The following GREB1 variants were observed in gnomAD, a reference collection of about 807,000 sequenced individuals.
GREB1 encodes protein GREB1.
In GREB1, 106 loss-of-function variants were observed where a neutral mutation model predicts 200.7. The observed-to-expected ratio is 0.53, with a 90% confidence interval of 0.45 to 0.62. The LOEUF is 0.62. Among genes scored for constraint, GREB1 ranks in the 20% least tolerant of loss-of-function variants. GREB1 has a pLI of 0.00. For missense variants in GREB1, 2,243 were observed against 2,556.8 expected, an observed-to-expected ratio of 0.88 and a Z score of 2.65; for synonymous variants, 1,132 against 1,092.4, an observed-to-expected ratio of 1.04 and a Z score of -0.72.
chr2:11,588,483 C>T, intron 9 of GREB1: 1 of 494,714 alleles, frequency 2.0e-6, no homozygotes, highest in South Asian at 2.0e-5. Context: ...AGCCCCCTCA[C>T]TTGTAAAAAA....
chr2:11,606,378 G>A (rs1415330690), intron 17 of GREB1, among the ~76,000 whole-genome samples: 3 of 152,096 alleles, frequency 2.0e-5, no homozygotes, highest in African/African-American at 4.8e-5. Context: ...ATTCTAATAG[G>A]TATGAGGTGG....
intron 1 of GREB1, among the ~76,000 whole-genome samples, chr2:11,499,007 A>C (rs1672959017): frequency 6.6e-6 from 1 of 152,244 alleles, no homozygotes; most frequent in Non-Finnish European, 1.5e-5. Flanking sequence ...TTAATTACAC[A>C]AACATGTTCC....
chr2:11,483,646 G>C (rs1672571631), intron 1 of GREB1, among the ~76,000 whole-genome samples: 1 of 148,602 alleles, frequency 6.7e-6, no homozygotes, highest in Admixed American at 6.7e-5. Context: ...TCCCAGTTTG[G>C]GTCCTGGGAA....
intron 7 of GREB1, among the ~76,000 whole-genome samples, chr2:11,582,356 C>T (rs764295578): frequency 1.5e-4 from 23 of 152,220 alleles, no homozygotes; most frequent in Non-Finnish European, 2.8e-4. Context: ...CAGAATCTGG[C>T]TCCAGCCCAC....
At chr2:11,587,111 C>T (rs571663703) in intron 9 of GREB1, among the ~76,000 whole-genome samples, 87 of 152,262 alleles carry the variant, frequency 5.7e-4, no homozygotes, top group Middle Eastern at 3.4e-3. Context: ...ACTGTCCTCT[C>T]GGTTCTCAGG....
chr2:11,493,660 T>C lies in GREB1; in HGVS notation c.-159+11279T>C, dbSNP rs1471463590. Among the ~76,000 whole-genome samples, 1 of 152,190 alleles carries C rather than the reference T, an allele frequency of 6.6e-6. No homozygotes were observed. Among genetic ancestry groups the C allele is most frequent in the African/African-American group, 2.4e-5 (1 of 41,450 alleles). ...TATACAGTATGTTATACTGAGCCAG[T>C]ATTAATGCAACCTTATGTTTTTGAA... On this transcript the variant is annotated intron_variant, in intron 1 of 2. Coordinates refer to the GREB1 transcript ENST00000628795. This position sits in a 1 kb window ranked among gnomAD's most constrained non-coding sequence, Gnocchi z 4.6.
At chr2:11,568,152 A>AT (rs1677879272) in intron 4 of GREB1, among the ~76,000 whole-genome samples, 1 of 152,162 alleles carries the variant, frequency 6.6e-6, no homozygotes, top group Non-Finnish European at 1.5e-5. Context: ...TTTCTTACAT[A>AT]TTTTCCATGA....
rs1032110968 is a variant in GREB1 at position 11,640,388 on chromosome 2, T to G, written c.5784T>G (p.Asp1928Glu). The G allele has an allele frequency of 6.2e-6, 10 of 1,614,096 alleles. No homozygotes were observed. Among genetic ancestry groups the G allele is most frequent in the Non-Finnish European group, 8.5e-6 (10 of 1,180,050 alleles). ...ACGAGTGGCAGTTCCGGCTGCGCGA[T>G]GAGTTCCAGACCGCCAATGCCAGGG... ...LEDEWQFRLRDEFQTANARED... is the reference protein window; with the variant it reads ...LEDEWQFRLREEFQTANARED... Residue 1928 changes from aspartate (D) to glutamate (E), a missense_variant, in exon 33 of 33, where the codon GAT (aspartate) becomes GAG (glutamate). Asp to Glu is a conservative substitution (Grantham distance 45). Around this residue, in one of 3 missense-constraint regions of GREB1, gnomAD observed 478 missense variants for 616.3 expected, o/e 0.78. Transcript: ENST00000381486. This position sits in a 1 kb window ranked among gnomAD's most constrained non-coding sequence, Gnocchi z 4.6.
chr2:11,636,972 A>G (rs146541156), intron 30 of GREB1, among the ~76,000 whole-genome samples: 3 of 56,188 alleles, frequency 5.3e-5, no homozygotes, highest in Non-Finnish European at 7.7e-5. Flanking sequence ...GCAGGGACAG[A>G]GGCAGGGGCA....
intron 1 of GREB1, among the ~76,000 whole-genome samples, chr2:11,495,905 C>T (rs1672872600): frequency 6.7e-6 from 1 of 149,950 alleles, no homozygotes; most frequent in Non-Finnish European, 1.5e-5. Flanking sequence ...CTGTGCGTGG[C>T]GCTCCTCTTC....
intron 4 of GREB1, among the ~76,000 whole-genome samples, chr2:11,570,358 A>G (rs1215371636): frequency 6.6e-6 from 1 of 151,800 alleles, no homozygotes; most frequent in Non-Finnish European, 1.5e-5. Context: ...AGCTGAGATG[A>G]AGCCATTTCA....
At chr2:11,617,880 G>A (rs998608603) in intron 21 of GREB1, among the ~76,000 whole-genome samples, 1 of 152,162 alleles carries the variant, frequency 6.6e-6, no homozygotes, top group African/African-American at 2.4e-5. Flanking sequence ...TCCTGCGCCT[G>A]TGCACAGCAG....
At chr2:11,628,089 G>T (rs1558660761) in intron 25 of GREB1, among the ~76,000 whole-genome samples, 1 of 152,134 alleles carries the variant, frequency 6.6e-6, no homozygotes, top group Non-Finnish European at 1.5e-5. Context: ...CAAAATGCCT[G>T]GTGGGCACTG....
intron 15 of GREB1, among the ~76,000 whole-genome samples, chr2:11,599,347 T>C (rs1237986633): frequency 6.7e-6 from 1 of 150,070 alleles, no homozygotes; most frequent in Non-Finnish European, 1.5e-5. Flanking sequence ...TTTTTTTTTT[T>C]TCCTTTTTTT....
chr2:11,509,012 C>G (rs548339506), intron 1 of GREB1, among the ~76,000 whole-genome samples: 6 of 151,666 alleles, frequency 4.0e-5, no homozygotes, highest in Non-Finnish European at 7.4e-5. Context: ...GTAGCTGGGA[C>G]TACAGGCGCC....
intron 5 of GREB1, among the ~76,000 whole-genome samples, chr2:11,577,701 C>T (rs1240113772): frequency 6.6e-6 from 1 of 152,202 alleles, no homozygotes; most frequent in African/African-American, 2.4e-5. Flanking sequence ...AAGGAAGAGG[C>T]CTTAGGCTGG....
rs183072541 is a variant in GREB1 at position 11,544,234 on chromosome 2, G to A, written c.-162+9980G>A. Among the ~76,000 whole-genome samples the A allele has an allele frequency of 1.1e-4, 16 of 152,158 alleles. No homozygotes were observed. In the East Asian group the frequency reaches 2.9e-3, roughly 28 times the overall value. On this transcript the variant is annotated intron_variant, in intron 1 of 32. Transcript: ENST00000381486. Reference sequence around the variant, plus strand: ...ATTTATTTGTTTGTTTGTTTATTTTGAGATGAAGTCTTGCTCAAGTTGCCC... The same window carrying A: ...ATTTATTTGTTTGTTTGTTTATTTTAAGATGAAGTCTTGCTCAAGTTGCCC...
In GREB1 at chr2:11,515,262, T is replaced by C. The variant is rs1004065037; in HGVS notation, c.-159+32881T>C. ...GAACAGTACAACATACCAGGTATTA[T>C]GGCCAGTGCAGAGGGAACAGAGATT... is the stretch of plus-strand genomic sequence containing the variant. On this transcript the variant is annotated intron_variant, in intron 1 of 2. Transcript: ENST00000628795. Among the ~76,000 whole-genome samples the C allele has an allele frequency of 7.2e-5, 11 of 152,320 alleles. No homozygotes were observed. In the East Asian group the frequency reaches 1.5e-3, roughly 21 times the overall value.
In GREB1 at chr2:11,642,016, C is replaced by T. The variant is rs182259738; in HGVS notation, c.*1562C>T. 75 of 152,346 alleles carry T rather than the reference C, an allele frequency of 4.9e-4. No homozygotes were observed. Among genetic ancestry groups the T allele is most frequent in the Middle Eastern group, 3.4e-3 (1 of 294 alleles). The allele number at this position is 152,346 out of a possible 1,614,324, so 9.4% of individuals were successfully genotyped here. Reference sequence around the variant, plus strand: ...CTTCTGGACTCTGCAGTCCAGGTCTCCCTTCTCCCACTTGCCTACCCTCAA... The same window carrying T: ...CTTCTGGACTCTGCAGTCCAGGTCTTCCTTCTCCCACTTGCCTACCCTCAA... On this transcript the variant is annotated 3_prime_UTR_variant, in exon 33 of 33. Coordinates refer to ENST00000381486, the MANE Select transcript of GREB1 (RefSeq NM_014668.4).
Sources: allele counts gnomAD v4.1 joint callset (sites outside exome capture counted in the v4.1 genomes callset), GRCh38; gene constraint gnomAD v4.1.1; regional missense constraint gnomAD v4.1.1; non-coding constraint Gnocchi (gnomAD v3.1); transcripts MANE v1.5; gene names NCBI Gene and HGNC (gene_info 2026-07-23, HGNC 2026-07-21).